EFHC2: variants seen among roughly 807,000 people sequenced by gnomAD.
EFHC2 encodes the protein EF-hand domain containing 2, also known as EF-hand domain-containing family member C2.
EFHC2 carries 18 observed loss-of-function variants against 52.7 expected under a neutral mutation model. The observed-to-expected ratio is 0.34, with a 90% CI of 0.24 to 0.51. The LOEUF (loss-of-function observed/expected upper bound fraction) is 0.51, where lower values mean the gene tolerates loss of function less well. Ranked by LOEUF, EFHC2 falls within the 20% of genes least tolerant of loss-of-function variation. The probability of loss-of-function intolerance (pLI) is 0.97; values close to 1 mark genes in which losing one functional copy is unlikely to be tolerated. For missense variants in EFHC2, 513 were observed against 562.5 expected (o/e 0.91, Z 0.89); for synonymous variants, 203 against 204.1 (o/e 0.99, Z 0.04).
At position 44,163,947 on chromosome X, in the gene EFHC2, A is replaced by G; in HGVS notation, c.2123T>C (p.Leu708Ser). The G allele has an allele frequency of 8.6e-7, 1 of 1,168,414 alleles. No individual in the cohort carries two copies. The highest frequency in any genetic ancestry group is 2.5e-5 in the Admixed American group (1 of 40,652). ...CTCTTTAAGGTATGATGCTGGTTGCAATTCAGGCACTGGATTCTTTCTCCA... is the reference window on the plus strand; with the variant it reads ...CTCTTTAAGGTATGATGCTGGTTGCGATTCAGGCACTGGATTCTTTCTCCA... ...LNWRKNPVPE[L>S]QPASYLKERC... The change falls in exon 14 of 15, where the codon TTG becomes TCG. Residue 708 changes from leucine to serine, a missense_variant. By Grantham distance (145) the Leu-to-Ser change is moderately radical. Coordinates refer to ENST00000420999, the MANE Select transcript of EFHC2 (RefSeq NM_025184.4).
intron 11 of EFHC2, among the ~76,000 whole-genome samples, chrX:44,210,255 T>C (rs1395595562): frequency 8.9e-6 from 1 of 111,803 alleles, no homozygotes; most frequent in Non-Finnish European, 1.9e-5. Context: ...CTCAATATTG[T>C]CTCCAAATTT....
intron 12 of EFHC2, among the ~76,000 whole-genome samples, chrX:44,178,080 G>A (rs1243146703): frequency 6.6e-5 from 7 of 106,611 alleles, no homozygotes; most frequent in South Asian, 8.6e-4. Context: ...GCAGTGAGCC[G>A]AGGTTGCGCC....
chrX:44,288,864 A>G (rs2037772331), intron 2 of EFHC2, among the ~76,000 whole-genome samples: 2 of 112,372 alleles, frequency 1.8e-5, no homozygotes, highest in Admixed American at 9.4e-5. Flanking sequence ...AAAGCAGTCA[A>G]TACTACAAAT....
Position 44,234,209 on chromosome X carries a change from G to C in EFHC2, c.1423+1096C>G, listed in dbSNP as rs996429138. On this transcript the variant is annotated intron_variant, in intron 9 of 14. Transcript: ENST00000420999. ...AAAGTCCTTGTAAGGATAATAGTAA[G>C]TTCTCAATCATGGCCACTAGGATTA... Among the ~76,000 whole-genome samples, 4 of 111,851 alleles carry C rather than the reference G, an allele frequency of 3.6e-5. No homozygotes were observed. The East Asian group carries it at 1.1e-3, about 31-fold the overall frequency.
At chrX:44,189,082 T>C (rs2036899656) in intron 11 of EFHC2, among the ~76,000 whole-genome samples, 1 of 92,373 alleles carries the variant, frequency 1.1e-5, no homozygotes, top group South Asian at 5.5e-4. Context: ...ATTGTGTCAC[T>C]GCACTCCAGC....
At chrX:44,177,846 GA>G (rs2036798961) in intron 12 of EFHC2, among the ~76,000 whole-genome samples, 1 of 109,558 alleles carries the variant, frequency 9.1e-6, no homozygotes, top group Non-Finnish European at 1.9e-5. Context: ...AAAGCTTCTA[GA>G]AACAAATGAA....
chrX:44,313,399 T>C (rs1463823606), intron 1 of EFHC2, among the ~76,000 whole-genome samples: 1 of 111,001 alleles, frequency 9.0e-6, no homozygotes, highest in African/African-American at 3.3e-5. Context: ...GGTGGGAAGG[T>C]AAAGTAGGAC....
intron 4 of EFHC2, among the ~76,000 whole-genome samples, chrX:44,258,435 C>CA (rs1319457162): frequency 0.021 from 1,332 of 63,056 alleles, 18 homozygotes; most frequent in African/African-American, 0.05. Flanking sequence ...AACAAATTTA[C>CA]AAAAAAAAAA....
chrX:44,306,883 G>A (rs938365685), intron 2 of EFHC2, among the ~76,000 whole-genome samples: 15 of 112,302 alleles, frequency 1.3e-4, no homozygotes, highest in South Asian at 3.7e-4. Context: ...GAAATGAACC[G>A]CGCAAGCAAG....
At chrX:44,277,258 C>CAA (rs753856788) in intron 2 of EFHC2, among the ~76,000 whole-genome samples, 104 of 20,836 alleles carry the variant, frequency 5.0e-3, no homozygotes, top group Middle Eastern at 0.023. Flanking sequence ...GACTCCAGCT[C>CAA]AAAAAAAAAA....
At chrX:44,306,787 A>C (rs2037908394) in intron 2 of EFHC2, among the ~76,000 whole-genome samples, 1 of 111,978 alleles carries the variant, frequency 8.9e-6, no homozygotes, top group Non-Finnish European at 1.9e-5. Flanking sequence ...CAGAGCCTGA[A>C]ACAGGGATTT....
chrX:44,154,859 C>CTTAA (rs747470553), intron 14 of EFHC2, among the ~76,000 whole-genome samples: 1 of 112,022 alleles, frequency 8.9e-6, no homozygotes, highest in African/African-American at 3.2e-5. Context: ...ATGATTTACA[C>CTTAA]TTAAATCTTT....
rs1373467196 is a variant in EFHC2 at position 44,242,267 on chromosome X, G to A, written c.1134C>T (p.Cys378=). 3 of 1,205,652 alleles carry A rather than the reference G, an allele frequency of 2.5e-6. No homozygotes were observed. The highest frequency in any genetic ancestry group is 2.2e-5 in the Admixed American group (1 of 45,168). ...TTTTTGGAGGAGGAGAAGGAGGCTT[G>A]CATGAAACTGAGGTAAAGTTCTCTA... ...YGIENFTSVS[C]KPPSPPPKIE... Residue 378 remains cysteine, a synonymous_variant, in exon 8 of 15, where the codon TGC becomes TGT. Transcript: ENST00000420999.
intron 4 of EFHC2, among the ~76,000 whole-genome samples, chrX:44,254,641 G>A (rs889140541): frequency 1.8e-5 from 2 of 112,128 alleles, no homozygotes; most frequent in South Asian, 3.7e-4. Context: ...CCAAACGTAC[G>A]TTTGATTGGT....
At chrX:44,262,746 GC>G (rs1474529090) in intron 3 of EFHC2, among the ~76,000 whole-genome samples, 1 of 110,484 alleles carries the variant, frequency 9.1e-6, no homozygotes, top group Non-Finnish European at 1.9e-5. Context: ...AGTTTCCTAA[GC>G]CCCAATTCCC....
intron 2 of EFHC2, among the ~76,000 whole-genome samples, chrX:44,301,341 A>G (rs2037867938): frequency 9.2e-6 from 1 of 109,289 alleles, no homozygotes; most frequent in Admixed American, 9.9e-5. Flanking sequence ...CGACCAAATT[A>G]TACTTAAAAA....
intron 11 of EFHC2, among the ~76,000 whole-genome samples, chrX:44,207,792 TCAACAA>T (rs747217052): frequency 1.1e-4 from 12 of 110,307 alleles, no homozygotes; most frequent in South Asian, 3.8e-4. Flanking sequence ...TAAACTTAAA[TCAACAA>T]CAACAACAAC....
chrX:44,180,930 CAA>C (rs34704656), intron 11 of EFHC2, among the ~76,000 whole-genome samples: 61 of 86,172 alleles, frequency 7.1e-4, no homozygotes, highest in Admixed American at 1.0e-3. Context: ...CCATCTCTAC[CAA>C]AAAAAAAAAA....
At chrX:44,209,011 T>C (rs1011961821) in intron 11 of EFHC2, among the ~76,000 whole-genome samples, 4 of 98,896 alleles carry the variant, frequency 4.0e-5, no homozygotes, top group Non-Finnish European at 8.1e-5. Context: ...ACTGGGTTGA[T>C]TGGCAATCTG....
Sources: gnomAD v4.1 joint callset for allele counts (sites outside exome capture counted in the v4.1 genomes callset) on GRCh38, gnomAD v4.1.1 for gene constraint, MANE v1.5 for transcripts, NCBI Gene and HGNC (gene_info 2026-07-23, HGNC 2026-07-21) for gene names.